The following COBL variants were observed in gnomAD, a reference collection of about 807,000 sequenced individuals.
The protein encoded by COBL is cordon-bleu WH2 repeat protein.
In COBL, 51 loss-of-function variants were observed where a neutral mutation model predicts 98.8. The ratio of observed to expected loss-of-function variants is 0.52; its 90% CI spans 0.41 to 0.65. COBL has a LOEUF of 0.65. COBL is among the 30% of genes least tolerant of loss of function. The pLI, the probability that COBL is intolerant of heterozygous loss-of-function variation, is 0.00. For missense variants in COBL, 1,617 were observed against 1,617.5 expected (o/e 1.00, Z 0.01); for synonymous variants, 634 against 651.7 (o/e 0.97, Z 0.41).
chr7:51,207,719 C>T (rs991695331), intron 2 of COBL, among the ~76,000 whole-genome samples: 3 of 152,224 alleles, frequency 2.0e-5, no homozygotes, highest in Non-Finnish European at 4.4e-5. Context: ...GACGGAGTCT[C>T]GTTCACTCAG....
intron 5 of COBL, among the ~76,000 whole-genome samples, chr7:51,145,152 T>G (rs1212763473): frequency 6.6e-6 from 1 of 151,814 alleles, no homozygotes; most frequent in Non-Finnish European, 1.5e-5. Flanking sequence ...GTAGCTGGGA[T>G]TATAGGTGCC....
intron 1 of COBL, among the ~76,000 whole-genome samples, chr7:51,268,026 G>A (rs1798384956): frequency 6.6e-6 from 1 of 152,132 alleles, no homozygotes; most frequent in Admixed American, 6.5e-5. Context: ...GAAGATCCCT[G>A]CCCTGGTATC....
chr7:51,198,930 G>A (rs1790848460), intron 2 of COBL, among the ~76,000 whole-genome samples: 1 of 152,210 alleles, frequency 6.6e-6, no homozygotes, highest in Admixed American at 6.5e-5. Context: ...TGAGAAATCA[G>A]GCCCACAGCC....
intron 1 of COBL, among the ~76,000 whole-genome samples, chr7:51,304,206 C>G (rs1203139223): frequency 6.6e-6 from 1 of 152,128 alleles, no homozygotes; most frequent in African/African-American, 2.4e-5. Flanking sequence ...CCAAGAACTG[C>G]TAGGAGAGCA....
intron 6 of COBL, among the ~76,000 whole-genome samples, chr7:51,086,854 A>G (rs982078808): frequency 6.6e-6 from 1 of 152,008 alleles, no homozygotes; most frequent in African/African-American, 2.4e-5. Context: ...ACCACCTCCT[A>G]TACCTCTAAA....
chr7:51,219,528 T>C (rs888062476), intron 2 of COBL, among the ~76,000 whole-genome samples: 2 of 152,156 alleles, frequency 1.3e-5, no homozygotes, highest in African/African-American at 2.4e-5. Context: ...TGGTGAGCCA[T>C]CATGGCTGGA....
chr7:51,136,472 G>C, intron 5 of COBL, 141 bp from the exon 6 acceptor site: 1 of 856,092 alleles, frequency 1.2e-6, no homozygotes, highest in South Asian at 1.8e-5. Context: ...TGAATGGTCT[G>C]AGCAAGCCCT....
intron 1 of COBL, among the ~76,000 whole-genome samples, chr7:51,307,000 C>T (rs1476575004): frequency 2.0e-5 from 3 of 152,164 alleles, no homozygotes; most frequent in African/African-American, 7.2e-5. Flanking sequence ...ACGATGAGGA[C>T]GTGGACACTG....
intron 6 of COBL, among the ~76,000 whole-genome samples, chr7:51,091,561 A>G (rs1258474455): frequency 6.6e-6 from 1 of 152,166 alleles, no homozygotes; most frequent in Non-Finnish European, 1.5e-5. Context: ...AATATGCATT[A>G]TGGGGATCAG....
intron 7 of COBL, among the ~76,000 whole-genome samples, chr7:51,066,003 C>A (rs756833102): frequency 1.3e-5 from 2 of 152,194 alleles, no homozygotes; most frequent in Non-Finnish European, 2.9e-5. Flanking sequence ...GGACTTCCAG[C>A]CTCCAGGACA....
At chr7:51,125,279 G>A (rs1798095899) in intron 6 of COBL, among the ~76,000 whole-genome samples, 1 of 152,142 alleles carries the variant, frequency 6.6e-6, no homozygotes, top group Non-Finnish European at 1.5e-5. Flanking sequence ...GGATGCACAG[G>A]TACCACAAAG....
At position 51,017,108 on chromosome 7, in the gene COBL, G is replaced by T. The variant is rs552380704; in HGVS notation, c.*443C>A. Reference sequence around the variant, plus strand: ...ATATCACATTCAGATTGTTCCATCTGATTCATATGTTTTTTCTAAAATTCA... The same window carrying T: ...ATATCACATTCAGATTGTTCCATCTTATTCATATGTTTTTTCTAAAATTCA... On this transcript the variant is annotated 3_prime_UTR_variant, in exon 13 of 13. Transcript: ENST00000265136. The T allele has an allele frequency of 4.7e-6, 2 of 425,668 alleles. No individual in the cohort carries two copies. Among genetic ancestry groups the T allele is most frequent in the Non-Finnish European group, 8.2e-6 (2 of 242,574 alleles). 26.4% of individuals were successfully genotyped at this position (425,668 alleles called of 1,614,324 possible). A position where few individuals can be genotyped will look rare whatever the true frequency, so the allele number is the denominator to read the frequency against.
intron 5 of COBL, among the ~76,000 whole-genome samples, chr7:51,177,807 TAAA>T (rs1788534786): frequency 3.3e-5 from 5 of 150,082 alleles, no homozygotes; most frequent in African/African-American, 9.8e-5. Flanking sequence ...AATAAATAAA[TAAA>T]TAAATAAAAA....
chr7:51,237,805 C>T (rs1334062231), intron 1 of COBL, among the ~76,000 whole-genome samples: 1 of 152,192 alleles, frequency 6.6e-6, no homozygotes, highest in East Asian at 1.9e-4. Context: ...CCAATATTTA[C>T]ATGGTGTTTT....
intron 6 of COBL, among the ~76,000 whole-genome samples, chr7:51,109,917 G>A (rs1010947261): frequency 8.5e-5 from 13 of 152,256 alleles, no homozygotes; most frequent in African/African-American, 2.9e-4. Context: ...GCAAAGGTAC[G>A]AGGAAGAATG....
chr7:51,162,049 A>T (rs922300569), intron 5 of COBL, among the ~76,000 whole-genome samples: 2 of 152,210 alleles, frequency 1.3e-5, no homozygotes, highest in African/African-American at 2.4e-5. Context: ...TGACTTAGGA[A>T]ACAGAGACCC....
chr7:51,087,600 G>C (rs907329700), intron 6 of COBL, among the ~76,000 whole-genome samples: 1 of 151,938 alleles, frequency 6.6e-6, no homozygotes, highest in African/African-American at 2.4e-5. Flanking sequence ...TCAGCCTCCT[G>C]AGTAGCTGGG....
chr7:51,030,506 T>G (rs1788032158), intron 9 of COBL, among the ~76,000 whole-genome samples: 1 of 152,252 alleles, frequency 6.6e-6, no homozygotes, highest in African/African-American at 2.4e-5. Context: ...GTTTATTTTT[T>G]GCGCCACCCT....
chr7:51,159,577 G>T (rs1327110535), intron 5 of COBL, among the ~76,000 whole-genome samples: 1 of 152,156 alleles, frequency 6.6e-6, no homozygotes, highest in Non-Finnish European at 1.5e-5. Flanking sequence ...CATAGACAGT[G>T]GAAATAATAG....
Sources: allele counts gnomAD v4.1 joint callset (sites outside exome capture counted in the v4.1 genomes callset), GRCh38; gene constraint gnomAD v4.1.1; transcripts MANE v1.5; gene names NCBI Gene and HGNC (gene_info 2026-07-23, HGNC 2026-07-21).